MGA: variants seen among roughly 807,000 people sequenced by gnomAD.
MGA encodes the protein MAX gene-associated protein.
A neutral mutation model predicts 261.1 loss-of-function variants in MGA; 40 were observed. That is an observed-to-expected ratio of 0.15 (90% CI 0.12 to 0.20). The LOEUF is 0.20. MGA is among the 10% of genes least tolerant of loss of function. MGA has a pLI of 1.00. For synonymous variants in MGA, 1,302 were observed against 1,290.6 expected (o/e 1.01, Z -0.19); for missense variants, 3,397 against 3,630.5 (o/e 0.94, Z 1.65).
chr15:41,736,948 A>G (rs1157383175), intron 13 of MGA, among the ~76,000 whole-genome samples: 1 of 152,190 alleles, frequency 6.6e-6, no homozygotes, highest in Non-Finnish European at 1.5e-5. Context: ...CTTCCCAGAA[A>G]GTTGCTCTTC....
intron 9 of MGA, among the ~76,000 whole-genome samples, chr15:41,726,449 C>T (rs2061252536): frequency 6.6e-6 from 1 of 152,158 alleles, no homozygotes. Flanking sequence ...ATCTTTTTGA[C>T]TAGGCATGGT....
chr15:41,662,628 A>C (rs1010817085), intron 1 of MGA, among the ~76,000 whole-genome samples: 4 of 152,212 alleles, frequency 2.6e-5, no homozygotes, highest in Non-Finnish European at 4.4e-5. Context: ...ATAGTTGGCT[A>C]TTTTACTGTC....
intron 2 of MGA, among the ~76,000 whole-genome samples, chr15:41,693,681 C>G (rs920482303): frequency 2.6e-5 from 4 of 151,908 alleles, no homozygotes; most frequent in Admixed American, 6.6e-5. Context: ...TGATTGGATC[C>G]TATGGAGTAT....
intron 2 of MGA, among the ~76,000 whole-genome samples, chr15:41,671,441 A>T (rs1166489933): frequency 6.6e-6 from 1 of 151,930 alleles, no homozygotes; most frequent in Non-Finnish European, 1.5e-5. Context: ...CTCCTGCCTC[A>T]GCCTCCCAAG....
intron 5 of MGA, among the ~76,000 whole-genome samples, chr15:41,702,247 C>T (rs963551521): frequency 2.6e-5 from 4 of 151,416 alleles, no homozygotes; most frequent in African/African-American, 4.9e-5. Flanking sequence ...CTTGAAAACC[C>T]GGGAGGCGGA....
In MGA at chr15:41,767,651, G is replaced by A; in HGVS notation, c.*371G>A. 1.7e-5 allele frequency: 4 copies of A among 238,672 alleles called. No individual in the cohort carries two copies. Among genetic ancestry groups the A allele is most frequent in the Non-Finnish European group, 3.3e-5 (4 of 121,428 alleles). 14.8% of individuals were successfully genotyped at this position (238,672 alleles called of 1,614,324 possible). ...AGCTGTTTGCAACTTTGGAGTTGCTGTAGACTGAACTGTAGCTTGTAGCTG... is the reference window on the plus strand; with the variant it reads ...AGCTGTTTGCAACTTTGGAGTTGCTATAGACTGAACTGTAGCTTGTAGCTG... On this transcript the variant is annotated 3_prime_UTR_variant, in exon 24 of 24. Coordinates refer to ENST00000219905, the MANE Select transcript of MGA (RefSeq NM_001164273.2).
At chr15:41,722,215 C>T (rs868515705) in intron 9 of MGA, among the ~76,000 whole-genome samples, 22 of 151,026 alleles carry the variant, frequency 1.5e-4, no homozygotes, top group Middle Eastern at 6.8e-3. Context: ...CTGCAAACTC[C>T]GCCTCCCGGG....
At chr15:41,631,001 G>A (rs1175490172) in intron 1 of MGA, among the ~76,000 whole-genome samples, 1 of 152,194 alleles carries the variant, frequency 6.6e-6, no homozygotes, top group Non-Finnish European at 1.5e-5. Flanking sequence ...TATGGGTATT[G>A]TATGAGGTAC....
intron 14 of MGA, among the ~76,000 whole-genome samples, chr15:41,740,749 AAGT>A (rs1354453258): frequency 1.3e-5 from 2 of 152,194 alleles, no homozygotes; most frequent in Admixed American, 1.3e-4. Context: ...CTAGTGGTGT[AAGT>A]AGTATAGGCT....
chr15:41,625,207 GACAAAGATT>G (rs1185573879), intron 1 of MGA, among the ~76,000 whole-genome samples: 1 of 152,104 alleles, frequency 6.6e-6, no homozygotes. Flanking sequence ...AGACAAAGAT[GACAAAGATT>G]GATACAGTTA....
At chr15:41,764,837 C>G (rs763800891) in intron 22 of MGA, 49 bp from the exon 23 acceptor site, 5 of 1,587,070 alleles carry the variant, frequency 3.2e-6, no homozygotes, top group Non-Finnish European at 4.3e-6. Context: ...AGCCACCACA[C>G]CCAGCTGAAT....
intron 1 of MGA, among the ~76,000 whole-genome samples, chr15:41,630,600 A>C (rs1202722292): frequency 1.3e-5 from 2 of 152,146 alleles, no homozygotes; most frequent in African/African-American, 4.8e-5. Flanking sequence ...AGCCAGTACA[A>C]AGTTTAGTGA....
rs1485490775 is a variant in MGA, at chr15:41,623,506, A to G, written c.-68+2208A>G. On this transcript the variant is annotated intron_variant, in intron 1 of 8. Coordinates refer to the MGA transcript ENST00000566718. ...ACGCCTGTAATCCCAGCACTTTGGG[A>G]GGCGGAGGCGGGTGGATCACCTGAG... is the stretch of plus-strand genomic sequence containing the variant. Among the ~76,000 whole-genome samples, 9 of 152,168 alleles carry G rather than the reference A, an allele frequency of 5.9e-5. No individual in the cohort carries two copies. In the East Asian group the frequency reaches 1.7e-3, roughly 29 times the overall value.
chr15:41,660,806 G>C (rs2057347957), intron 1 of MGA, among the ~76,000 whole-genome samples: 1 of 152,200 alleles, frequency 6.6e-6, no homozygotes. Context: ...GCGGCCACGA[G>C]GCGGGAGGGG....
In MGA at chr15:41,767,143, G is replaced by A; in HGVS notation, c.9061G>A (p.Val3021Ile). The A allele has an allele frequency of 6.2e-7, 1 of 1,614,002 alleles. No homozygotes were observed. The highest frequency in any genetic ancestry group is 8.5e-7 in the Non-Finnish European group (1 of 1,179,872). ...TTGTTTGGCACCTATAGCTGCCAAA[G>A]TTGGGTCAGTTGGACACAAAATGAA... The change falls in exon 24 of 24, where the codon GTT (valine) becomes ATT (isoleucine). Residue 3021 changes from valine (V) to isoleucine (I), a missense_variant. Val to Ile is a conservative substitution (Grantham distance 29). Coordinates refer to ENST00000219905, the MANE Select transcript of MGA (RefSeq NM_001164273.2).
chr15:41,661,009 A>G (rs984270398), intron 1 of MGA, among the ~76,000 whole-genome samples: 1 of 152,192 alleles, frequency 6.6e-6, no homozygotes, highest in Non-Finnish European at 1.5e-5. Flanking sequence ...CGCTTTTCTG[A>G]GAACTTGGCG....
At chr15:41,724,968 T>C (rs2061151408) in intron 9 of MGA, among the ~76,000 whole-genome samples, 1 of 152,240 alleles carries the variant, frequency 6.6e-6, no homozygotes, top group Admixed American at 6.5e-5. Context: ...GCAGCTTAGA[T>C]TCTGCTTTGT....
intron 1 of MGA, 120 bp downstream of exon 1, chr15:41,660,645 C>G (rs2057328605): frequency 6.6e-6 from 1 of 152,632 alleles, no homozygotes; most frequent in African/African-American, 2.4e-5. Flanking sequence ...GAGAGCTTCG[C>G]ACGCCCTCGC....
chr15:41,724,817 C>T (rs971349387), intron 9 of MGA, among the ~76,000 whole-genome samples: 1 of 152,190 alleles, frequency 6.6e-6, no homozygotes. Context: ...CCACCTCCCA[C>T]CCCCTTTTTA....
Sources: gnomAD v4.1 joint callset for allele counts (sites outside exome capture counted in the v4.1 genomes callset) on GRCh38, gnomAD v4.1.1 for gene constraint, MANE v1.5 for transcripts, NCBI Gene and HGNC (gene_info 2026-07-23, HGNC 2026-07-21) for gene names.